Variants in TMEM245 observed in about 807,000 individuals in gnomAD.
The protein encoded by TMEM245 is transmembrane protein 245.
Under a neutral mutation model 101.2 loss-of-function variants are expected in TMEM245, and 69 were observed. The observed-to-expected ratio is 0.68, with a 90% CI of 0.56 to 0.83. The LOEUF is 0.83. Among genes scored for constraint, TMEM245 ranks in the 40% least tolerant of loss-of-function variants. The probability of loss-of-function intolerance (pLI) is 0.00; values close to 1 mark genes in which losing one functional copy is unlikely to be tolerated. For missense variants in TMEM245, 1,075 were observed against 1,092.8 expected (o/e 0.98, Z 0.23); for synonymous variants, 537 against 449.8 (o/e 1.19, Z -2.45).
intron 16 of TMEM245, among the ~76,000 whole-genome samples, chr9:109,035,376 G>A (rs1267099549): frequency 6.6e-6 from 1 of 151,942 alleles, no homozygotes; most frequent in African/African-American, 2.4e-5. Context: ...GAACTGGCTT[G>A]ATATACTTAA....
intron 7 of TMEM245, among the ~76,000 whole-genome samples, chr9:109,083,901 CAAAAAAAAAAA>C (rs751739620): frequency 0.045 from 1,555 of 34,518 alleles, 61 homozygotes; most frequent in African/African-American, 0.17. Flanking sequence ...ACTAAAAATA[CAAAAAAAAAAA>C]AAAAAAAAAA....
At chr9:109,111,436 A>C (rs1393191400) in intron 1 of TMEM245, among the ~76,000 whole-genome samples, 1 of 152,202 alleles carries the variant, frequency 6.6e-6, no homozygotes, top group Non-Finnish European at 1.5e-5. Flanking sequence ...TATCATTTGC[A>C]AGGAGAGAAA....
At chr9:109,086,462 C>T (rs760271455) in intron 6 of TMEM245, among the ~76,000 whole-genome samples, 5 of 152,184 alleles carry the variant, frequency 3.3e-5, no homozygotes, top group Non-Finnish European at 5.9e-5. Flanking sequence ...TTGCTCAGTG[C>T]TGCCACTGTA....
intron 14 of TMEM245, among the ~76,000 whole-genome samples, chr9:109,046,470 A>G (rs1400642408): frequency 6.6e-6 from 1 of 152,232 alleles, no homozygotes; most frequent in Non-Finnish European, 1.5e-5. Flanking sequence ...TGAGAAGAAT[A>G]CTTATTCAGA....
At position 109,080,932 on chromosome 9, in the gene TMEM245, C is replaced by T; in HGVS notation, c.1356G>A (p.Trp452Ter). ...TTATTTTATCTAACATCTTCTCCAA[C>T]CAGATGATCATCTGCACAAAAACGA... is the stretch of plus-strand genomic sequence containing the variant. ...WHWLNKKMII[W>*]LEKMLDKIIS... is the part of the protein sequence containing the mutation. Residue 452 changes from tryptophan to a stop codon, truncating the protein, a stop_gained, in exon 8 of 18, where the codon TGG becomes TGA. Coordinates refer to ENST00000374586, the MANE Select transcript of TMEM245 (RefSeq NM_032012.4). LOFTEE classifies it high-confidence loss of function. 1 of 1,599,668 alleles carries T rather than the reference C, an allele frequency of 6.3e-7. No individual in the cohort carries two copies. The highest frequency in any genetic ancestry group is 8.5e-7 in the Non-Finnish European group (1 of 1,169,684).
rs1168490350 is a variant in TMEM245 at position 109,087,542 on chromosome 9, CCA to C, written c.1151-202_1151-201del. 6.6e-5 allele frequency among the ~76,000 whole-genome samples: 10 copies of C among 152,240 alleles called. No homozygotes were observed. The East Asian group carries it at 1.9e-3, about 29-fold the overall frequency. On this transcript the variant is annotated intron_variant, in intron 5 of 17. Transcript: ENST00000374586. ...GACCAAGTAACTTTTCAAACCATCC[CCA>C]CCTGCCTATATATTATCTTCTTCCT...
At chr9:109,111,758 G>A (rs1243062942) in intron 1 of TMEM245, among the ~76,000 whole-genome samples, 1 of 152,108 alleles carries the variant, frequency 6.6e-6, no homozygotes, top group African/African-American at 2.4e-5. Context: ...ACAGTATGAT[G>A]AACATCAATA....
intron 14 of TMEM245, among the ~76,000 whole-genome samples, chr9:109,047,617 A>C (rs1442938200): frequency 6.6e-6 from 1 of 152,240 alleles, no homozygotes; most frequent in Non-Finnish European, 1.5e-5. Flanking sequence ...GGTATGAAAA[A>C]AGGTGACAGA....
intron 17 of TMEM245, among the ~76,000 whole-genome samples, chr9:109,021,995 A>G (rs911133320): frequency 6.6e-6 from 1 of 152,226 alleles, no homozygotes; most frequent in Non-Finnish European, 1.5e-5. Flanking sequence ...TGAACTTCAA[A>G]TGTAATTCCA....
chr9:109,058,178 G>A (rs1283741170), intron 11 of TMEM245, among the ~76,000 whole-genome samples: 1 of 149,878 alleles, frequency 6.7e-6, no homozygotes. Context: ...TTTTTTTTTT[G>A]TATTTTTAGT....
intron 14 of TMEM245, chr9:109,038,363 C>A: frequency 3.4e-6 from 1 of 298,198 alleles, no homozygotes; most frequent in Non-Finnish European, 6.1e-6. Flanking sequence ...CCTTAAATTT[C>A]TGATGAAAAA....
At chr9:109,063,211 C>T (rs1829067575) in intron 10 of TMEM245, among the ~76,000 whole-genome samples, 1 of 148,554 alleles carries the variant, frequency 6.7e-6, no homozygotes, top group Admixed American at 6.7e-5. Flanking sequence ...CCTCTGCCTC[C>T]CGAGTTCAAG....
At position 109,106,620 on chromosome 9, in the gene TMEM245, T is replaced by C. The variant is rs1158814811; in HGVS notation, c.698-11A>G. 2 of 1,587,894 alleles carry C rather than the reference T, an allele frequency of 1.3e-6. No individual in the cohort carries two copies. The highest frequency in any genetic ancestry group is 3.5e-5 in the Admixed American group (2 of 57,212). On this transcript the variant is annotated splice_polypyrimidine_tract_variant and intron_variant, in intron 2 of 17. Coordinates refer to ENST00000374586, the MANE Select transcript of TMEM245 (RefSeq NM_032012.4). ...AGCCAGCCAGGGATGCTGCAAATTA[T>C]TAAGAATTAACATTTTTAGTGAAAT...
At chr9:109,101,114 C>A (rs2132616151) in intron 3 of TMEM245, among the ~76,000 whole-genome samples, 1 of 152,170 alleles carries the variant, frequency 6.6e-6, no homozygotes. Context: ...GTCTTAGTCT[C>A]TAAAAACAAA....
At chr9:109,087,098 C>A in intron 6 of TMEM245, 75 bp downstream of exon 6, 1 of 1,330,810 alleles carries the variant, frequency 7.5e-7, no homozygotes, top group South Asian at 1.6e-5. Context: ...AATATAAACA[C>A]CATAGAATGG....
intron 3 of TMEM245, among the ~76,000 whole-genome samples, chr9:109,098,866 A>AG (rs1347822694): frequency 6.6e-6 from 1 of 152,202 alleles, no homozygotes; most frequent in African/African-American, 2.4e-5. Context: ...GCCTAGCACC[A>AG]GGGGGCAGAA....
chr9:109,060,588 T>G, intron 10 of TMEM245, 136 bp from the exon 11 acceptor site: 1 of 584,264 alleles, frequency 1.7e-6, no homozygotes, highest in East Asian at 3.0e-5. Flanking sequence ...CCATATTACG[T>G]TCTTTCCTTA....
intron 17 of TMEM245, 64 bp downstream of exon 17, chr9:109,033,243 C>G: frequency 2.1e-6 from 3 of 1,440,506 alleles, no homozygotes; most frequent in Non-Finnish European, 1.8e-6. Flanking sequence ...AGCTACTTAT[C>G]AAATACAGAG....
At chr9:109,063,585 C>T (rs1829079620) in intron 10 of TMEM245, among the ~76,000 whole-genome samples, 1 of 152,144 alleles carries the variant, frequency 6.6e-6, no homozygotes, top group Non-Finnish European at 1.5e-5. Context: ...TTTCAGTATA[C>T]TAAAAGTGCA....
Sources: allele counts gnomAD v4.1 joint callset (sites outside exome capture counted in the v4.1 genomes callset), GRCh38; gene constraint gnomAD v4.1.1; transcripts MANE v1.5; gene names NCBI Gene and HGNC (gene_info 2026-07-23, HGNC 2026-07-21).